ANKFN1: variants seen among roughly 807,000 people sequenced by gnomAD.
The protein encoded by ANKFN1 is ankyrin repeat and fibronectin type III domain containing 1.
A neutral mutation model predicts 108.7 loss-of-function variants in ANKFN1; 74 were observed. That is an observed-to-expected ratio of 0.68 (90% CI 0.56 to 0.83). The LOEUF (loss-of-function observed/expected upper bound fraction) is 0.83, where lower values mean the gene tolerates loss of function less well. Among genes scored for constraint, ANKFN1 ranks in the 40% least tolerant of loss-of-function variants. The probability of loss-of-function intolerance (pLI) is 0.00; values close to 1 mark genes in which losing one functional copy is unlikely to be tolerated. For synonymous variants in ANKFN1, 547 were observed against 516.2 expected (o/e 1.06, Z -0.81); for missense variants, 1,505 against 1,382.3 (o/e 1.09, Z -1.41).
chr17:56,500,036 T>C (rs2051317789), intron 20 of ANKFN1, among the ~76,000 whole-genome samples: 1 of 152,198 alleles, frequency 6.6e-6, no homozygotes, highest in Admixed American at 6.5e-5. Context: ...ATCAGAGACC[T>C]GGATTCAAAT....
intron 3 of ANKFN1, among the ~76,000 whole-genome samples, chr17:56,322,863 A>T: frequency 6.6e-6 from 1 of 152,168 alleles, no homozygotes; most frequent in East Asian, 1.9e-4. Context: ...TGCTAAGTAT[A>T]TCTCTTTTAT....
At chr17:56,344,830 G>T (rs2046054668) in intron 4 of ANKFN1, among the ~76,000 whole-genome samples, 1 of 151,872 alleles carries the variant, frequency 6.6e-6, no homozygotes, top group South Asian at 2.1e-4. Flanking sequence ...ACCCCATTCT[G>T]CCCCCTTCCA....
intron 10 of ANKFN1, among the ~76,000 whole-genome samples, chr17:56,443,465 G>A (rs949138198): frequency 3.3e-5 from 5 of 152,212 alleles, no homozygotes; most frequent in African/African-American, 7.2e-5. Flanking sequence ...GGATGGATCA[G>A]ATGCCATGGT....
At chr17:56,149,827 C>T (rs1310061702), upstream of ANKFN1, among the ~76,000 whole-genome samples, 1 of 152,260 alleles carries the variant, frequency 6.6e-6, no homozygotes, top group Non-Finnish European at 1.5e-5. Flanking sequence ...TACCCCTCCA[C>T]AAGCCCAGCC....
chr17:56,345,538 A>T (rs1469763137), intron 4 of ANKFN1, among the ~76,000 whole-genome samples: 1 of 152,150 alleles, frequency 6.6e-6, no homozygotes. Flanking sequence ...GTTTCTCCAC[A>T]TCCTCTCCAG....
At chr17:56,193,472 A>C (rs900589866) in intron 1 of ANKFN1, among the ~76,000 whole-genome samples, 1 of 147,862 alleles carries the variant, frequency 6.8e-6, no homozygotes, top group African/African-American at 2.7e-5. Context: ...AAAAAAAAAC[A>C]AAAAAAATAC....
chr17:56,123,384 G>A (rs1315288580), intron 4 of ANKFN1, among the ~76,000 whole-genome samples: 1 of 152,200 alleles, frequency 6.6e-6, no homozygotes, highest in Non-Finnish European at 1.5e-5. Flanking sequence ...GCTTGAAGAT[G>A]ATGGGGAGGG....
chr17:56,322,950 C>T (rs1453887464), intron 3 of ANKFN1, among the ~76,000 whole-genome samples: 1 of 152,174 alleles, frequency 6.6e-6, no homozygotes, highest in Non-Finnish European at 1.5e-5. Context: ...TTAATATCTG[C>T]ATATAATAAA....
intron 3 of ANKFN1, among the ~76,000 whole-genome samples, chr17:56,296,765 A>G (rs947675427): frequency 6.6e-6 from 1 of 152,218 alleles, no homozygotes; most frequent in Non-Finnish European, 1.5e-5. Flanking sequence ...GACAGACTTA[A>G]GTCCACTGCT....
chr17:56,356,494 A>G (rs2046381042), intron 6 of ANKFN1, among the ~76,000 whole-genome samples: 2 of 152,166 alleles, frequency 1.3e-5, no homozygotes, highest in Admixed American at 1.3e-4. Flanking sequence ...CCCAAAGACT[A>G]GGTACAGAAG....
chr17:56,143,533 A>G (rs1225851244), intron 4 of ANKFN1, among the ~76,000 whole-genome samples: 1 of 152,096 alleles, frequency 6.6e-6, no homozygotes, highest in Non-Finnish European at 1.5e-5. Context: ...TATAGTACCT[A>G]TCATATTTGA....
At chr17:56,195,282 T>C (rs920979866) in intron 1 of ANKFN1, 4 of 152,218 alleles carry the variant, frequency 2.6e-5, no homozygotes, top group Admixed American at 2.6e-4. Flanking sequence ...AACTAACTTG[T>C]AATCCAGAAA....
chr17:56,464,781 A>G (rs2050022347), intron 14 of ANKFN1, among the ~76,000 whole-genome samples: 1 of 152,220 alleles, frequency 6.6e-6, no homozygotes, highest in South Asian at 2.1e-4. Flanking sequence ...TTAGCATAAC[A>G]GCTGTCTGAG....
At chr17:56,174,807 C>T (rs1486723791) in intron 1 of ANKFN1, among the ~76,000 whole-genome samples, 1 of 152,192 alleles carries the variant, frequency 6.6e-6, no homozygotes, top group East Asian at 1.9e-4. Context: ...TCTTTCCCCT[C>T]CCCCAGACTG....
At chr17:56,503,161 T>C (rs2051430640) in intron 20 of ANKFN1, among the ~76,000 whole-genome samples, 1 of 152,036 alleles carries the variant, frequency 6.6e-6, no homozygotes, top group African/African-American at 2.4e-5. Context: ...ATACTGCTGT[T>C]TCTCCTAGTG....
chr17:56,126,422 T>C (rs1189584531), intron 4 of ANKFN1, among the ~76,000 whole-genome samples: 1 of 151,638 alleles, frequency 6.6e-6, no homozygotes, highest in East Asian at 1.9e-4. Context: ...CCCAGAAAAA[T>C]AGAGGGGGGA....
At chr17:56,400,202 G>A (rs2047718360) in intron 8 of ANKFN1, among the ~76,000 whole-genome samples, 1 of 151,990 alleles carries the variant, frequency 6.6e-6, no homozygotes, top group Non-Finnish European at 1.5e-5. Flanking sequence ...ATTCCCATCA[G>A]CAGTGTAGAA....
chr17:56,445,903 A>AACTGTACATAAT (rs2049272343), intron 10 of ANKFN1, among the ~76,000 whole-genome samples: 1 of 152,132 alleles, frequency 6.6e-6, no homozygotes, highest in South Asian at 2.1e-4. Context: ...TCATTACCAG[A>AACTGTACATAAT]ACAGTGAGCT....
At chr17:56,331,235 C>G (rs1402869328) in intron 4 of ANKFN1, among the ~76,000 whole-genome samples, 1 of 152,124 alleles carries the variant, frequency 6.6e-6, no homozygotes, top group Non-Finnish European at 1.5e-5. Flanking sequence ...GCAATTTGAG[C>G]AACTGAAAGT....
Sources: allele counts gnomAD v4.1 joint callset (sites outside exome capture counted in the v4.1 genomes callset), GRCh38; gene constraint gnomAD v4.1.1; transcripts MANE v1.5; gene names NCBI Gene and HGNC (gene_info 2026-07-23, HGNC 2026-07-21).